CELSR1: variants seen among roughly 807,000 people sequenced by gnomAD.
The protein encoded by CELSR1 is cadherin EGF LAG seven-pass G-type receptor 1.
CELSR1 carries 110 observed loss-of-function variants against 249.1 expected under a neutral mutation model. The ratio of observed to expected loss-of-function variants is 0.44; its 90% CI spans 0.38 to 0.52. CELSR1 has a LOEUF of 0.52. Ranked by LOEUF, CELSR1 falls within the 20% of genes least tolerant of loss-of-function variation. The pLI, the probability that CELSR1 is intolerant of heterozygous loss-of-function variation, is 0.00. For synonymous variants in CELSR1, 2,113 were observed against 1,900.0 expected (o/e 1.11, Z -2.92); for missense variants, 4,109 against 4,296.4 (o/e 0.96, Z 1.22).
Position 46,536,694 on chromosome 22 carries a change from C to A in CELSR1, c.477G>T (p.Pro159=), listed in dbSNP as rs770876575. The part of the protein sequence containing the change: ...APTTLPACRC[P]PRPRPRCPGR... ...CGGGACAGCGGGGCCTGGGGCGCGG[C>A]GGGCAGCGGCAGGCGGGTAAGGTGG... Residue 159 remains proline, a synonymous_variant, in exon 1 of 35, where the codon CCG becomes CCT. Coordinates refer to ENST00000674500, the MANE Select transcript of CELSR1 (RefSeq NM_001378328.1). 3.8e-4 allele frequency: 438 copies of A among 1,149,100 alleles called. No homozygotes were observed. Among genetic ancestry groups the A allele is most frequent in the Middle Eastern group, 2.9e-3 (8 of 2,746 alleles). 71.2% of individuals were successfully genotyped at this position (1,149,100 alleles called of 1,614,324 possible). A position where few individuals can be genotyped will look rare whatever the true frequency, so the allele number is the denominator to read the frequency against.
intron 24 of CELSR1, among the ~76,000 whole-genome samples, chr22:46,376,134 G>T (rs999738120): frequency 6.6e-6 from 1 of 152,104 alleles, no homozygotes; most frequent in African/African-American, 2.4e-5. Flanking sequence ...TCTGTTCAAA[G>T]GTTTTTCTTT....
At chr22:46,477,284 C>G (rs2069067806) in intron 1 of CELSR1, among the ~76,000 whole-genome samples, 1 of 152,172 alleles carries the variant, frequency 6.6e-6, no homozygotes, top group South Asian at 2.1e-4. Context: ...ACAGTGAAGG[C>G]ACCAGCCGGG....
chr22:46,423,991 AGT>A lies in CELSR1; in HGVS notation c.4611+9400_4611+9401del, dbSNP rs1177867305. The stretch of plus-strand genomic sequence containing the variant: ...AAAACAAACAAAGAAAAAAAACACA[AGT>A]TTGTTGTTTTGGAGAGCATAGGGTT... On this transcript the variant is annotated intron_variant, in intron 5 of 34. Coordinates refer to ENST00000674500, the MANE Select transcript of CELSR1 (RefSeq NM_001378328.1). This position sits in a 1 kb window ranked among gnomAD's most constrained non-coding sequence, Gnocchi z 5.6. Among the ~76,000 whole-genome samples, 5 of 152,146 alleles carry A rather than the reference AGT, an allele frequency of 3.3e-5. No individual in the cohort carries two copies. Among genetic ancestry groups the A allele is most frequent in the Non-Finnish European group, 7.3e-5 (5 of 68,034 alleles).
At position 46,409,840 on chromosome 22, in the gene CELSR1, A is replaced by G. The variant is rs1192162318; in HGVS notation, c.4974T>C (p.Cys1658=). 1.2e-6 allele frequency: 2 copies of G among 1,613,804 alleles called. No individual in the cohort carries two copies. Among genetic ancestry groups the G allele is most frequent in the Non-Finnish European group, 1.7e-6 (2 of 1,179,964 alleles). ...ARRNFCDGRR[C]QNGGTCVNRW... ...TGTTGACACAGGTGCCTCCATTCTG[A>G]CACCGCCTCCCATCGCAGAAGTTCC... is the stretch of plus-strand genomic sequence containing the variant. Residue 1658 remains cysteine (C), a synonymous_variant, in exon 8 of 35, where the codon TGT becomes TGC. Transcript: ENST00000674500. This position sits in a 1 kb window ranked among gnomAD's most constrained non-coding sequence, Gnocchi z 9.8.
chr22:46,462,210 G>C (rs775423410), intron 2 of CELSR1, among the ~76,000 whole-genome samples: 2 of 152,194 alleles, frequency 1.3e-5, no homozygotes, highest in African/African-American at 2.4e-5. Context: ...AGACCCAGAC[G>C]GCACCAACAG....
At chr22:46,520,446 C>T (rs745996243) in intron 1 of CELSR1, among the ~76,000 whole-genome samples, 38 of 152,056 alleles carry the variant, frequency 2.5e-4, no homozygotes, top group Non-Finnish European at 4.0e-4. Context: ...GTACATAATA[C>T]GGATCTTAAC....
In CELSR1 at chr22:46,399,918, C is replaced by T. The variant is rs1265665748; in HGVS notation, c.5227-16G>A. The T allele has an allele frequency of 6.2e-7, 1 of 1,612,670 alleles. No homozygotes were observed. Among genetic ancestry groups the T allele is most frequent in the African/African-American group, 1.3e-5 (1 of 74,886 alleles). On this transcript the variant is annotated splice_polypyrimidine_tract_variant and intron_variant, in intron 9 of 34. Coordinates refer to ENST00000674500, the MANE Select transcript of CELSR1 (RefSeq NM_001378328.1). This position sits in a 1 kb window ranked among gnomAD's most constrained non-coding sequence, Gnocchi z 5.0. ...TGTTCAGGATCTGGAGCAGGGAGAG[C>T]CACACCGACTGATTGGTACAATGAC...
chr22:46,411,510 A>C lies in CELSR1; in HGVS notation c.4769+92T>G. On this transcript the variant is annotated intron_variant, in intron 6 of 34. Transcript: ENST00000674500. The surrounding 1 kb of genome is among the most constrained non-coding windows in gnomAD (Gnocchi z 4.2). ...GAGGTCGCCAGGGCACTGCACCCAG[A>C]GTGCCTACGTGGGGCCCTGCCCTGG... 3.4e-6 allele frequency: 5 copies of C among 1,458,522 alleles called. No homozygotes were observed. The highest frequency in any genetic ancestry group is 4.7e-6 in the Non-Finnish European group (5 of 1,074,314). The allele number at this position is 1,458,522 out of a possible 1,614,324, so 90.3% of individuals were successfully genotyped here. A position where few individuals can be genotyped will look rare whatever the true frequency, so the allele number is the denominator to read the frequency against.
At position 46,398,803 on chromosome 22, in the gene CELSR1, C is replaced by T. The variant is rs765482384; in HGVS notation, c.5413-166G>A. Among the ~76,000 whole-genome samples the T allele has an allele frequency of 5.9e-5, 9 of 152,198 alleles. No homozygotes were observed. Among genetic ancestry groups the T allele is most frequent in the East Asian group, 1.9e-4 (1 of 5,186 alleles). ...GAGAGAGCTGGGCCCAGCTGGACAG[C>T]GAGGCTGGCTGTGATGACCAGGGCG... On this transcript the variant is annotated intron_variant, in intron 10 of 34. Coordinates refer to ENST00000674500, the MANE Select transcript of CELSR1 (RefSeq NM_001378328.1). This position sits in a 1 kb window ranked among gnomAD's most constrained non-coding sequence, Gnocchi z 7.2.
chr22:46,399,999 T>G lies in CELSR1; in HGVS notation c.5227-97A>C. On this transcript the variant is annotated intron_variant, in intron 9 of 34. Transcript: ENST00000674500. This position sits in a 1 kb window ranked among gnomAD's most constrained non-coding sequence, Gnocchi z 5.0. ...AAACAAGGAAGCTGTGAAAGGAGACTGATTATGTGGCACCAGATACAAGAT... is the reference window on the plus strand; with the variant it reads ...AAACAAGGAAGCTGTGAAAGGAGACGGATTATGTGGCACCAGATACAAGAT... The G allele has an allele frequency of 7.9e-7, 1 of 1,268,174 alleles. No homozygotes were observed. Among genetic ancestry groups the G allele is most frequent in the Non-Finnish European group, 1.1e-6 (1 of 908,770 alleles). 78.6% of individuals were successfully genotyped at this position (1,268,174 alleles called of 1,614,324 possible).
intron 5 of CELSR1, among the ~76,000 whole-genome samples, chr22:46,424,829 G>A (rs1051718310): frequency 7.9e-5 from 12 of 152,156 alleles, no homozygotes; most frequent in African/African-American, 1.7e-4. Flanking sequence ...AAAATTAGCC[G>A]AGCATGGTGG....
rs2079920870 is a variant in CELSR1, at chr22:46,454,327, T to C, written c.4183+9380A>G. Among the ~76,000 whole-genome samples, 1 of 152,168 alleles carries C rather than the reference T, an allele frequency of 6.6e-6. No individual in the cohort carries two copies. Among genetic ancestry groups the C allele is most frequent in the Non-Finnish European group, 1.5e-5 (1 of 68,022 alleles). On this transcript the variant is annotated intron_variant, in intron 2 of 34. Transcript: ENST00000674500. This position sits in a 1 kb window ranked among gnomAD's most constrained non-coding sequence, Gnocchi z 5.1. ...GTTAAGCCCCTCGTGTGTGGAAATG[T>C]TACAGCGGCCACAGGAGACTCGTGC...
intron 19 of CELSR1, among the ~76,000 whole-genome samples, chr22:46,385,521 G>A (rs890438219): frequency 2.0e-4 from 31 of 152,238 alleles, no homozygotes; most frequent in African/African-American, 5.1e-4. Context: ...TCTCACACCT[G>A]AGGGTTTGGA....
rs80271511 is a variant in CELSR1, at chr22:46,474,135, A to G, written c.3545-9790T>C. Among the ~76,000 whole-genome samples, 684 of 152,308 alleles carry G rather than the reference A, an allele frequency of 4.5e-3. 2 individuals carry two copies. The highest frequency in any genetic ancestry group is 7.8e-3 in the Non-Finnish European group (528 of 68,022). The stretch of plus-strand genomic sequence containing the variant: ...GTGCTGCTCACGATGCCTCGGGAAC[A>G]AAGTCCTGTGTTAACCTTGCAGTCA... On this transcript the variant is annotated intron_variant, in intron 1 of 34. Coordinates refer to ENST00000674500, the MANE Select transcript of CELSR1 (RefSeq NM_001378328.1).
intron 1 of CELSR1, among the ~76,000 whole-genome samples, chr22:46,465,133 G>C (rs879788473): frequency 2.0e-5 from 3 of 152,158 alleles, no homozygotes; most frequent in Admixed American, 1.3e-4. Flanking sequence ...GAGACGTTCA[G>C]GGGGTGGGTC....
At chr22:46,369,107 C>T in intron 27 of CELSR1, 72 bp downstream of exon 27, 2 of 1,499,680 alleles carry the variant, frequency 1.3e-6, no homozygotes, top group Non-Finnish European at 1.9e-6. Context: ...GGGCCCCACC[C>T]CGCAGAGACT....
Position 46,433,105 on chromosome 22 carries a change from T to TA in CELSR1, c.4611+287dup, listed in dbSNP as rs2079615121. ...ACAGTGGCACGATCTCGGCTCACTG[T>TA]AACTTCTGCCTCCCAGGCTCAAGTG... On this transcript the variant is annotated intron_variant, in intron 5 of 34. Coordinates refer to ENST00000674500, the MANE Select transcript of CELSR1 (RefSeq NM_001378328.1). The surrounding 1 kb of genome is among the most constrained non-coding windows in gnomAD (Gnocchi z 5.7). Among the ~76,000 whole-genome samples, 1 of 152,070 alleles carries TA rather than the reference T, an allele frequency of 6.6e-6. No homozygotes were observed. Among genetic ancestry groups the TA allele is most frequent in the Admixed American group, 6.5e-5 (1 of 15,270 alleles).
Position 46,430,580 on chromosome 22 carries a change from C to T in CELSR1, c.4611+2813G>A, listed in dbSNP as rs982716671. ...CCTCCTCCTGGGGGTCCCCTCCCAC[C>T]CTGAGCCTGTCGTCTTCCCCAAAAC... On this transcript the variant is annotated intron_variant, in intron 5 of 34. Coordinates refer to ENST00000674500, the MANE Select transcript of CELSR1 (RefSeq NM_001378328.1). The surrounding 1 kb of genome is among the most constrained non-coding windows in gnomAD (Gnocchi z 4.6). 6.6e-6 allele frequency among the ~76,000 whole-genome samples: 1 copy of T among 152,160 alleles called. No homozygotes were observed. Among genetic ancestry groups the T allele is most frequent in the South Asian group, 2.1e-4 (1 of 4,834 alleles).
rs941089218 is a variant in CELSR1, at chr22:46,409,018, C to CCACCACTGGTGGCCT, written c.5189_5203dup (p.Glu1730_Gly1734dup). ...CACCTGGAGGCGAAAGCTGGTGGGCCCACCACTGGTGGCCTCCATCAGAAC... is the reference window on the plus strand; with the variant it reads ...CACCTGGAGGCGAAAGCTGGTGGGCCCACCACTGGTGGCCTCACCACTGGTGGCCTCCATCAGAAC... On this transcript the variant is annotated inframe_insertion, in exon 9 of 35. Coordinates refer to ENST00000674500, the MANE Select transcript of CELSR1 (RefSeq NM_001378328.1). The surrounding 1 kb of genome is among the most constrained non-coding windows in gnomAD (Gnocchi z 9.8). 1.2e-6 allele frequency: 2 copies of CCACCACTGGTGGCCT among 1,610,560 alleles called. No individual in the cohort carries two copies. Among genetic ancestry groups the CCACCACTGGTGGCCT allele is most frequent in the African/African-American group, 2.7e-5 (2 of 74,818 alleles).
Sources: allele counts gnomAD v4.1 joint callset (sites outside exome capture counted in the v4.1 genomes callset), GRCh38; gene constraint gnomAD v4.1.1; non-coding constraint Gnocchi (gnomAD v3.1); transcripts MANE v1.5; gene names NCBI Gene and HGNC (gene_info 2026-07-23, HGNC 2026-07-21).